Variants in FAM107B observed in about 807,000 individuals in gnomAD.
The protein encoded by FAM107B is family with sequence similarity 107 member B.
Under a neutral mutation model 31.5 loss-of-function variants are expected in FAM107B, and 21 were observed. The ratio of observed to expected loss-of-function variants is 0.67; its 90% CI spans 0.47 to 0.96. FAM107B has a LOEUF of 0.96. Ranked by LOEUF, FAM107B falls within the 40% of genes least tolerant of loss-of-function variation. The pLI is 0.00. For missense variants in FAM107B, 452 were observed against 377.1 expected, an observed-to-expected ratio of 1.20 and a Z score of -1.64; for synonymous variants, 157 against 141.5, an observed-to-expected ratio of 1.11 and a Z score of -0.78.
intron 2 of FAM107B, among the ~76,000 whole-genome samples, chr10:14,667,169 C>T (rs78150205): frequency 0.085 from 12,934 of 152,124 alleles, 579 homozygotes; most frequent in South Asian, 0.16. Flanking sequence ...TTATTTCTTT[C>T]CTCATTAACT....
chr10:14,752,471 T>C (rs926591853), intron 1 of FAM107B, among the ~76,000 whole-genome samples: 1 of 152,206 alleles, frequency 6.6e-6, no homozygotes, highest in Non-Finnish European at 1.5e-5. Context: ...TACAAAGACA[T>C]ATAGGTTCTA....
chr10:14,610,236 G>A lies in FAM107B; in HGVS notation c.469+57398C>T, dbSNP rs183150657. ...TGGGCGCTTGTAGTCCCAGCTACTC[G>A]GGAGGCTGAGGCAGGAGAATGGCAT... On this transcript the variant is annotated intron_variant, in intron 2 of 4. Coordinates refer to ENST00000181796, the MANE Select transcript of FAM107B (RefSeq NM_031453.4). 1.8e-3 allele frequency among the ~76,000 whole-genome samples: 281 copies of A among 152,068 alleles called. 1 individual carries two copies. Among genetic ancestry groups the A allele is most frequent in the African/African-American group, 6.5e-3 (268 of 41,466 alleles).
At chr10:14,762,759 C>T (rs1390744825) in intron 1 of FAM107B, among the ~76,000 whole-genome samples, 35 of 74,038 alleles carry the variant, frequency 4.7e-4, no homozygotes, top group African/African-American at 2.3e-3. Context: ...CTGTCTCACA[C>T]ACACACACAC....
chr10:14,742,310 G>T (rs1856458793), intron 1 of FAM107B, among the ~76,000 whole-genome samples: 2 of 150,230 alleles, frequency 1.3e-5, no homozygotes, highest in Admixed American at 1.3e-4. Flanking sequence ...AAAGGCAAGG[G>T]TCTCACTATG....
chr10:14,545,421 A>C (rs73599397), intron 2 of FAM107B, among the ~76,000 whole-genome samples: 1,631 of 152,322 alleles, frequency 0.011, 29 homozygotes, highest in African/African-American at 0.037. Context: ...CCCCATTAAT[A>C]TATCTCTTGA....
chr10:14,718,590 G>A (rs969276833), intron 1 of FAM107B, among the ~76,000 whole-genome samples: 1 of 151,896 alleles, frequency 6.6e-6, no homozygotes, highest in African/African-American at 2.4e-5. Flanking sequence ...CCTCACAGCA[G>A]AGTCAATAAC....
Position 14,526,939 on chromosome 10 carries a change from G to A in FAM107B, c.653+3393C>T, listed in dbSNP as rs185807117. Among the ~76,000 whole-genome samples, 623 of 151,774 alleles carry A rather than the reference G, an allele frequency of 4.1e-3. 4 individuals carry two copies. Among genetic ancestry groups the A allele is most frequent in the Middle Eastern group, 6.9e-3 (2 of 290 alleles). ...TGCAAGCTCCGCCTCCCGGGTTCAC[G>A]CTATTCTCCTGCCTCAGCCTCCTGA... is the stretch of plus-strand genomic sequence containing the variant. On this transcript the variant is annotated intron_variant, in intron 3 of 4. Coordinates refer to ENST00000181796, the MANE Select transcript of FAM107B (RefSeq NM_031453.4).
At chr10:14,627,352 C>T (rs145607018) in intron 2 of FAM107B, among the ~76,000 whole-genome samples, 1 of 152,238 alleles carries the variant, frequency 6.6e-6, no homozygotes, top group East Asian at 1.9e-4. Context: ...TAGAAACGGA[C>T]CATATGGATA....
Position 14,667,675 on chromosome 10 carries a change from T to A in FAM107B, c.428A>T (p.Glu143Val). ...IDTPKEEEFR[E>V]EPKCLELEQK... ...CTCCAGCTCGAGGCATTTAGGTTCT[T>A]CTCGAAATTCTTCTTCCTAAGCGCC... The change falls in exon 2 of 5, where the codon GAA becomes GTA. Residue 143 changes from glutamate to valine, a missense_variant. Transcript: ENST00000181796. The A allele has an allele frequency of 6.2e-7, 1 of 1,614,148 alleles. No homozygotes were observed. The highest frequency in any genetic ancestry group is 8.5e-7 in the Non-Finnish European group (1 of 1,179,998).
intron 1 of FAM107B, among the ~76,000 whole-genome samples, chr10:14,749,261 C>G (rs1268639053): frequency 1.3e-5 from 2 of 152,118 alleles, no homozygotes; most frequent in East Asian, 3.9e-4. Context: ...ATCTGCCAGA[C>G]TCTTAAAAGC....
At chr10:14,648,139 A>C (rs34301568) in intron 2 of FAM107B, among the ~76,000 whole-genome samples, 57,024 of 152,106 alleles carry the variant, frequency 0.37, 12,063 homozygotes, top group Non-Finnish European at 0.47. Context: ...TTTCTGGTCA[A>C]AATCTAGACA....
intron 2 of FAM107B, among the ~76,000 whole-genome samples, chr10:14,535,480 T>C (rs1289914176): frequency 6.6e-6 from 1 of 152,268 alleles, no homozygotes; most frequent in Non-Finnish European, 1.5e-5. Flanking sequence ...TGGGCTTTGA[T>C]TTCTTCAAAA....
At chr10:14,529,325 A>C (rs900523239) in intron 3 of FAM107B, among the ~76,000 whole-genome samples, 8 of 152,242 alleles carry the variant, frequency 5.3e-5, no homozygotes, top group Non-Finnish European at 1.2e-4. Flanking sequence ...TGGGGATAAA[A>C]CAGGAGTAAG....
intron 2 of FAM107B, among the ~76,000 whole-genome samples, chr10:14,656,599 A>G (rs1854062963): frequency 6.6e-6 from 1 of 152,238 alleles, no homozygotes. Context: ...AGAAGTGGGT[A>G]GAGAGATTCC....
intron 1 of FAM107B, among the ~76,000 whole-genome samples, chr10:14,733,040 A>G (rs1856211497): frequency 1.4e-5 from 2 of 147,128 alleles, no homozygotes; most frequent in South Asian, 2.1e-4. Context: ...TATTATATCT[A>G]ATATATAATT....
At chr10:14,526,500 T>C (rs949042267) in intron 3 of FAM107B, among the ~76,000 whole-genome samples, 3 of 152,208 alleles carry the variant, frequency 2.0e-5, no homozygotes, top group Non-Finnish European at 2.9e-5. Context: ...TGTTCTTTAA[T>C]CTTGTAATCT....
chr10:14,628,566 G>T (rs1324379710), intron 2 of FAM107B, among the ~76,000 whole-genome samples: 1 of 152,172 alleles, frequency 6.6e-6, no homozygotes, highest in Non-Finnish European at 1.5e-5. Flanking sequence ...TGAAATGAAC[G>T]TGGGATACTG....
At chr10:14,688,774 G>A (rs914487433) in intron 1 of FAM107B, among the ~76,000 whole-genome samples, 3 of 151,980 alleles carry the variant, frequency 2.0e-5, no homozygotes, top group East Asian at 1.9e-4. Flanking sequence ...CACCCTCTCC[G>A]CCCACACCTT....
chr10:14,709,564 C>T (rs186671941), intron 1 of FAM107B, among the ~76,000 whole-genome samples: 5 of 152,194 alleles, frequency 3.3e-5, no homozygotes, highest in Admixed American at 1.3e-4. Flanking sequence ...TTACCTCCCA[C>T]GTGGTTCTTC....
Sources: allele counts gnomAD v4.1 joint callset (sites outside exome capture counted in the v4.1 genomes callset), GRCh38; gene constraint gnomAD v4.1.1; transcripts MANE v1.5; gene names NCBI Gene and HGNC (gene_info 2026-07-23, HGNC 2026-07-21).